Variants in PXDNL observed in about 807,000 individuals in gnomAD.
PXDNL encodes the protein probable oxidoreductase PXDNL.
PXDNL carries 145 observed loss-of-function variants against 150.8 expected under a neutral mutation model. The observed-to-expected ratio is 0.96, with a 90% confidence interval of 0.84 to 1.10. The LOEUF is 1.10. Ranked by LOEUF, PXDNL falls within the 50% of genes least tolerant of loss-of-function variation. The pLI, the probability that PXDNL is intolerant of heterozygous loss-of-function variation, is 0.00. For missense variants in PXDNL, 2,087 were observed against 1,873.9 expected (o/e 1.11, Z -2.10); for synonymous variants, 757 against 725.7 (o/e 1.04, Z -0.69).
At position 51,391,209 on chromosome 8, in the gene PXDNL, C is replaced by T. The variant is rs548801606; in HGVS notation, c.3558-16478G>A. ...TAGTGCCGCAATAAACATATGTGTG[C>T]GTGTGTCTTTATAGCAGCATGATTT... On this transcript the variant is annotated intron_variant, in intron 17 of 22. Coordinates refer to ENST00000356297, the MANE Select transcript of PXDNL (RefSeq NM_144651.5). Among the ~76,000 whole-genome samples, 1,429 of 152,212 alleles carry T rather than the reference C, an allele frequency of 9.4e-3. 21 individuals carry two copies. The highest frequency in any genetic ancestry group is 0.032 in the African/African-American group (1,343 of 41,514).
Position 51,368,995 on chromosome 8 carries a change from C to CA in PXDNL, c.3901+2877dup, listed in dbSNP as rs199639917. ...TAGGCAACAGAGCACAACTCTGTTT[C>CA]AAAAAAAATAAAAATAAAAATAAAT... On this transcript the variant is annotated intron_variant, in intron 19 of 22. Transcript: ENST00000356297. 5.7e-4 allele frequency among the ~76,000 whole-genome samples: 86 copies of CA among 151,244 alleles called. 3 individuals carry two copies. The East Asian group carries it at 0.01, about 18-fold the overall frequency.
intron 1 of PXDNL, among the ~76,000 whole-genome samples, chr8:51,721,210 A>C (rs1816724481): frequency 6.6e-6 from 1 of 152,210 alleles, no homozygotes; most frequent in Non-Finnish European, 1.5e-5. Context: ...ACGAGCAGAG[A>C]CCACGAAAAC....
At chr8:51,734,571 A>T (rs1243720437) in intron 1 of PXDNL, among the ~76,000 whole-genome samples, 1 of 152,224 alleles carries the variant, frequency 6.6e-6, no homozygotes, top group African/African-American at 2.4e-5. Context: ...AGAGAGATAA[A>T]AGACATAGAC....
intron 2 of PXDNL, among the ~76,000 whole-genome samples, chr8:51,613,669 C>T (rs1312769873): frequency 1.3e-5 from 2 of 152,072 alleles, no homozygotes; most frequent in African/African-American, 4.8e-5. Context: ...ATGCCACTTC[C>T]TCAGGTTGTC....
chr8:51,807,117 ACTGTGATAAAGAAATAC>A (rs1182299483), intron 1 of PXDNL, among the ~76,000 whole-genome samples: 36 of 152,318 alleles, frequency 2.4e-4, no homozygotes, highest in African/African-American at 8.4e-4. Context: ...GTTTTCACAC[ACTGTGATAAAGAAATAC>A]CTGAAACTGG....
chr8:51,796,956 C>T (rs1030769012), intron 1 of PXDNL, among the ~76,000 whole-genome samples: 3 of 152,196 alleles, frequency 2.0e-5, no homozygotes, highest in Non-Finnish European at 2.9e-5. Flanking sequence ...TCCAGCAGCA[C>T]ATTTAAAAGC....
At chr8:51,449,850 C>G (rs1426030409) in intron 10 of PXDNL, among the ~76,000 whole-genome samples, 1 of 152,042 alleles carries the variant, frequency 6.6e-6, no homozygotes, top group Non-Finnish European at 1.5e-5. Context: ...AATCCAGATC[C>G]CAAAAAAGGA....
chr8:51,398,718 G>A (rs931019136), intron 17 of PXDNL, among the ~76,000 whole-genome samples: 25 of 152,110 alleles, frequency 1.6e-4, no homozygotes, highest in African/African-American at 9.7e-5. Context: ...AATGCAAGGC[G>A]GAATCACAGT....
chr8:51,488,103 C>A (rs145315124), intron 5 of PXDNL, among the ~76,000 whole-genome samples: 201 of 152,254 alleles, frequency 1.3e-3, no homozygotes, highest in African/African-American at 4.7e-3. Flanking sequence ...AGTAGATATG[C>A]AAATCTTCCT....
At chr8:51,680,635 C>T (rs1815723919) in intron 1 of PXDNL, among the ~76,000 whole-genome samples, 1 of 152,162 alleles carries the variant, frequency 6.6e-6, no homozygotes, top group African/African-American at 2.4e-5. Context: ...ATCTCTGGTG[C>T]CTTCCTGTCA....
intron 1 of PXDNL, among the ~76,000 whole-genome samples, chr8:51,667,549 G>A (rs902949401): frequency 6.6e-6 from 1 of 152,026 alleles, no homozygotes; most frequent in Non-Finnish European, 1.5e-5. Flanking sequence ...CAGTATTTTT[G>A]TGCTGTAATT....
chr8:51,408,546 G>T lies in PXDNL; in HGVS notation c.3078C>A (p.Gly1026=). 1 of 1,613,130 alleles carries T rather than the reference G, an allele frequency of 6.2e-7. No homozygotes were observed. The highest frequency in any genetic ancestry group is 8.5e-7 in the Non-Finnish European group (1 of 1,179,572). The change falls in exon 17 of 23, where the codon GGC becomes GGA. Residue 1026 remains glycine, a synonymous_variant. Coordinates refer to ENST00000356297, the MANE Select transcript of PXDNL (RefSeq NM_144651.5). ...HWLPKVLGDP[G]TRMLRGYRGY... is the part of the protein sequence containing the mutation. ...CTCGGTAACCCCTCAGCATCCTAGT[G>T]CCAGGGTCCCCCAGGACCTTAGGCA...
intron 1 of PXDNL, among the ~76,000 whole-genome samples, chr8:51,676,185 A>G (rs1815618465): frequency 6.6e-6 from 1 of 151,882 alleles, no homozygotes; most frequent in Admixed American, 6.6e-5. Context: ...AGAATGCTCC[A>G]CTTGCATCTT....
chr8:51,564,377 T>C (rs1163175276), intron 3 of PXDNL, among the ~76,000 whole-genome samples: 1 of 151,836 alleles, frequency 6.6e-6, no homozygotes, highest in African/African-American at 2.4e-5. Flanking sequence ...TTTCCAACTT[T>C]TATTTTCGGT....
intron 17 of PXDNL, among the ~76,000 whole-genome samples, chr8:51,398,939 A>C (rs960631867): frequency 3.3e-5 from 5 of 152,234 alleles, no homozygotes; most frequent in African/African-American, 9.6e-5. Context: ...AAAATTAAGA[A>C]TCATAAAAAT....
chr8:51,511,775 C>T (rs371040515), intron 4 of PXDNL, among the ~76,000 whole-genome samples: 7 of 152,244 alleles, frequency 4.6e-5, no homozygotes, highest in Admixed American at 2.6e-4. Context: ...GGGGGATAAA[C>T]GCCCAGGATG....
At chr8:51,566,373 T>A (rs1240903874) in intron 3 of PXDNL, among the ~76,000 whole-genome samples, 1 of 151,870 alleles carries the variant, frequency 6.6e-6, no homozygotes, top group Non-Finnish European at 1.5e-5. Flanking sequence ...AACGTCATTT[T>A]TTCTTTAAAT....
intron 2 of PXDNL, among the ~76,000 whole-genome samples, chr8:51,641,821 A>G (rs1814763317): frequency 1.3e-5 from 2 of 152,282 alleles, no homozygotes; most frequent in Admixed American, 6.5e-5. Flanking sequence ...ATCTAGAACT[A>G]GAAATACCAT....
chr8:51,427,901 A>G (rs1421779056), intron 12 of PXDNL, among the ~76,000 whole-genome samples: 1 of 152,224 alleles, frequency 6.6e-6, no homozygotes, highest in African/African-American at 2.4e-5. Flanking sequence ...AAAAGGACAT[A>G]GAAAGCAAAC....
Sources: allele counts gnomAD v4.1 joint callset (sites outside exome capture counted in the v4.1 genomes callset), GRCh38; gene constraint gnomAD v4.1.1; transcripts MANE v1.5; gene names NCBI Gene and HGNC (gene_info 2026-07-23, HGNC 2026-07-21).